LRRC4C: variants seen among roughly 807,000 people sequenced by gnomAD.
LRRC4C encodes leucine rich repeat containing 4C.
In LRRC4C, 5 loss-of-function variants were observed where a neutral mutation model predicts 33.6. That is an observed-to-expected ratio of 0.15 (90% CI 0.08 to 0.31). The LOEUF is 0.31. Among genes scored for constraint, LRRC4C ranks in the 10% least tolerant of loss-of-function variants. The probability of loss-of-function intolerance (pLI) is 1.00; values close to 1 mark genes in which losing one functional copy is unlikely to be tolerated. For synonymous variants in LRRC4C, 329 were observed against 302.0 expected (o/e 1.09, Z -0.93); for missense variants, 560 against 796.7 (o/e 0.70, Z 3.58).
intron 5 of LRRC4C, among the ~76,000 whole-genome samples, chr11:40,164,527 G>T (rs187184455): frequency 6.6e-6 from 1 of 152,114 alleles, no homozygotes; most frequent in South Asian, 2.1e-4. Flanking sequence ...GTGAGCCACC[G>T]TGCCCAGCCA....
At chr11:40,544,881 G>A (rs375112276) in intron 3 of LRRC4C, among the ~76,000 whole-genome samples, 1 of 151,836 alleles carries the variant, frequency 6.6e-6, no homozygotes, top group African/African-American at 2.4e-5. Flanking sequence ...ATCTAAAAAC[G>A]ATCAAACATT....
intron 1 of LRRC4C, among the ~76,000 whole-genome samples, chr11:41,141,353 G>A (rs717112): frequency 0.2 from 29,739 of 151,764 alleles, 3,381 homozygotes; most frequent in Admixed American, 0.38. Flanking sequence ...TTGACACATA[G>A]AGCCCTGACT....
At chr11:41,392,420 C>T (rs1213624874) in intron 1 of LRRC4C, among the ~76,000 whole-genome samples, 1 of 151,764 alleles carries the variant, frequency 6.6e-6, no homozygotes, top group African/African-American at 2.4e-5. Context: ...TAGCAGCTTT[C>T]CTCTGTAGAG....
intron 3 of LRRC4C, among the ~76,000 whole-genome samples, chr11:40,484,074 G>C (rs908455543): frequency 3.0e-4 from 45 of 152,150 alleles, no homozygotes; most frequent in African/African-American, 1.1e-3. Context: ...TGCCCAGCTG[G>C]AAAGGCTGGA....
chr11:40,885,913 G>A (rs961372573), intron 2 of LRRC4C, among the ~76,000 whole-genome samples: 4 of 152,014 alleles, frequency 2.6e-5, no homozygotes, highest in African/African-American at 4.8e-5. Flanking sequence ...TTATATTTTG[G>A]ATGGCTGTAG....
At chr11:40,425,714 C>T (rs909838893) in intron 3 of LRRC4C, among the ~76,000 whole-genome samples, 2 of 152,224 alleles carry the variant, frequency 1.3e-5, no homozygotes, top group African/African-American at 4.8e-5. Flanking sequence ...TATAGTGACA[C>T]TAATTGTCTT....
At chr11:40,690,940 C>G (rs1945193198) in intron 2 of LRRC4C, among the ~76,000 whole-genome samples, 2 of 151,858 alleles carry the variant, frequency 1.3e-5, no homozygotes, top group Admixed American at 1.3e-4. Context: ...CTCCAGAGAC[C>G]AAGCAAGAAG....
intron 1 of LRRC4C, among the ~76,000 whole-genome samples, chr11:41,163,569 C>T (rs942975306): frequency 6.7e-6 from 1 of 149,704 alleles, no homozygotes; most frequent in South Asian, 2.1e-4. Context: ...CAGGCATGAG[C>T]CACCACACCT....
intron 1 of LRRC4C, among the ~76,000 whole-genome samples, chr11:41,327,241 G>C (rs1448529510): frequency 6.6e-6 from 1 of 152,110 alleles, no homozygotes; most frequent in Non-Finnish European, 1.5e-5. Context: ...TCTCCCTTGA[G>C]TTTCCAATTA....
intron 1 of LRRC4C, among the ~76,000 whole-genome samples, chr11:40,951,096 A>G (rs1958672236): frequency 6.6e-6 from 1 of 152,014 alleles, no homozygotes; most frequent in African/African-American, 2.4e-5. Flanking sequence ...ATGCAGCACC[A>G]TTCTGCATAT....
chr11:40,882,227 A>G (rs1182313228), intron 2 of LRRC4C, among the ~76,000 whole-genome samples: 1 of 152,116 alleles, frequency 6.6e-6, no homozygotes, highest in Non-Finnish European at 1.5e-5. Context: ...TCTGGAAACA[A>G]CAATTTGCTC....
chr11:40,236,415 A>G (rs1221069184), intron 5 of LRRC4C, among the ~76,000 whole-genome samples: 2 of 152,180 alleles, frequency 1.3e-5, no homozygotes, highest in East Asian at 3.9e-4. Context: ...TAAAGATTCA[A>G]TCTTTGTTCT....
At chr11:40,577,919 T>C (rs1204127628) in intron 3 of LRRC4C, among the ~76,000 whole-genome samples, 5 of 144,396 alleles carry the variant, frequency 3.5e-5, no homozygotes, top group African/African-American at 1.3e-4. Context: ...CACTGCAAGC[T>C]CCGCCTCCAA....
intron 1 of LRRC4C, among the ~76,000 whole-genome samples, chr11:41,322,317 T>C (rs998418052): frequency 1.3e-5 from 2 of 152,142 alleles, no homozygotes; most frequent in African/African-American, 4.8e-5. Flanking sequence ...TTTGAACTTA[T>C]AGTTTTTGAA....
chr11:41,029,208 C>T (rs1856569455), intron 1 of LRRC4C, among the ~76,000 whole-genome samples: 1 of 151,704 alleles, frequency 6.6e-6, no homozygotes, highest in South Asian at 2.1e-4. Flanking sequence ...CATGTAGTAG[C>T]ATTTTTGTAA....
intron 1 of LRRC4C, among the ~76,000 whole-genome samples, chr11:41,416,793 G>T (rs541955973): frequency 6.6e-6 from 1 of 152,046 alleles, no homozygotes; most frequent in South Asian, 2.1e-4. Flanking sequence ...GCTGCTATGA[G>T]ACTTTTTACA....
intron 2 of LRRC4C, among the ~76,000 whole-genome samples, chr11:40,903,085 G>A (rs1055486487): frequency 6.6e-6 from 1 of 152,248 alleles, no homozygotes; most frequent in Non-Finnish European, 1.5e-5. Context: ...TGGCTTTAAA[G>A]GTTCAAAGGA....
At chr11:40,137,497 A>T (rs758052403) in intron 6 of LRRC4C, among the ~76,000 whole-genome samples, 2 of 152,166 alleles carry the variant, frequency 1.3e-5, no homozygotes, top group African/African-American at 4.8e-5. Context: ...ACCTGGAAAC[A>T]GGATTGCAAG....
intron 1 of LRRC4C, among the ~76,000 whole-genome samples, chr11:41,065,735 C>G (rs184949155): frequency 1.7e-3 from 260 of 152,290 alleles, no homozygotes; most frequent in African/African-American, 6.0e-3. Context: ...GCAATCTTTG[C>G]TGTTCTACAG....
Sources: allele counts gnomAD v4.1 joint callset (sites outside exome capture counted in the v4.1 genomes callset), GRCh38; gene constraint gnomAD v4.1.1; transcripts MANE v1.5; gene names NCBI Gene and HGNC (gene_info 2026-07-23, HGNC 2026-07-21).